RAD50: variants seen among roughly 807,000 people sequenced by gnomAD.
RAD50 encodes RAD50 double strand break repair protein, also known as DNA repair protein RAD50.
Under a neutral mutation model 168.8 loss-of-function variants are expected in RAD50, and 132 were observed. That is an observed-to-expected ratio of 0.78 (90% CI 0.68 to 0.90). The LOEUF is 0.90. RAD50 is among the 40% of genes least tolerant of loss of function. RAD50 has a pLI of 0.00. For synonymous variants in RAD50, 525 were observed against 497.4 expected, an observed-to-expected ratio of 1.06 and a Z score of -0.74; for missense variants, 1,347 against 1,534.4, an observed-to-expected ratio of 0.88 and a Z score of 2.04.
intron 3 of RAD50, among the ~76,000 whole-genome samples, chr5:132,576,581 A>G (rs999734006): frequency 3.9e-5 from 6 of 152,344 alleles, no homozygotes; most frequent in Admixed American, 2.0e-4. Context: ...TGGAGGCACT[A>G]TACTGGCTTC....
chr5:132,642,793 C>CTGAG lies in RAD50; in HGVS notation c.*431_*434dup, dbSNP rs1164742859. 3 of 348,760 alleles carry CTGAG rather than the reference C, an allele frequency of 8.6e-6. No individual in the cohort carries two copies. The highest frequency in any genetic ancestry group is 1.7e-5 in the Non-Finnish European group (3 of 180,028). 21.6% of individuals were successfully genotyped at this position (348,760 alleles called of 1,614,324 possible). A position where few individuals can be genotyped will look rare whatever the true frequency, so the allele number is the denominator to read the frequency against. ...ACTTCCTTGCATGTGGTTTGAAAAA[C>CTGAG]TGAGTATTAATATCTGAGGATGACC... On this transcript the variant is annotated 3_prime_UTR_variant, in exon 25 of 25. Transcript: ENST00000378823.
intron 16 of RAD50, among the ~76,000 whole-genome samples, chr5:132,606,689 T>C (rs1422553257): frequency 6.6e-6 from 1 of 152,076 alleles, no homozygotes; most frequent in Non-Finnish European, 1.5e-5. Context: ...CAGGCCAATA[T>C]CCCTGATGAA....
At position 132,579,934 on chromosome 5, in the gene RAD50, G is replaced by A. The variant is rs766701804; in HGVS notation, c.624G>A (p.Met208Ile). 6.2e-6 allele frequency: 10 copies of A among 1,611,928 alleles called. No homozygotes were observed. In the South Asian group the frequency reaches 9.9e-5, roughly 16 times the overall value. Residue 208 changes from methionine to isoleucine, a missense_variant, in exon 5 of 25, where the codon ATG becomes ATA. By Grantham distance (10) the Met-to-Ile change is conservative (BLOSUM62 1). Transcript: ENST00000378823. ...TQGQKVKEYQ[M>I]ELKYLKQYKE... ...GTCAGAAAGTAAAAGAATATCAAAT[G>A]GAACTAAAATATCTGAAGCAATATA...
At chr5:132,635,313 GTCA>G (rs1581019136) in intron 21 of RAD50, among the ~76,000 whole-genome samples, 1 of 152,172 alleles carries the variant, frequency 6.6e-6, no homozygotes, top group Non-Finnish European at 1.5e-5. Context: ...ATGGTAAATG[GTCA>G]TCAATAATAA....
intron 19 of RAD50, among the ~76,000 whole-genome samples, chr5:132,611,079 G>A (rs17166080): frequency 0.07 from 10,673 of 152,246 alleles, 1,170 homozygotes; most frequent in African/African-American, 0.24. Flanking sequence ...TATGCTTGCT[G>A]AAGATTCTAG....
chr5:132,563,659 A>G (rs1750158622), intron 2 of RAD50, among the ~76,000 whole-genome samples: 2 of 152,202 alleles, frequency 1.3e-5, no homozygotes, highest in Admixed American at 6.5e-5. Context: ...AATAAATTGG[A>G]AAGTTGCATT....
chr5:132,640,836 G>T lies in RAD50; in HGVS notation c.3752+31G>T. 1.9e-6 allele frequency: 3 copies of T among 1,613,802 alleles called. No individual in the cohort carries two copies. The South Asian group carries it at 3.3e-5, about 18-fold the overall frequency. On this transcript the variant is annotated intron_variant, in intron 24 of 24. Coordinates refer to ENST00000378823, the MANE Select transcript of RAD50 (RefSeq NM_005732.4). Reference sequence around the variant, plus strand: ...TATCTCTTGCACATGCTCTGGTTGAGTAAGTATCTCACATTTGGGGACAGG... The same window carrying T: ...TATCTCTTGCACATGCTCTGGTTGATTAAGTATCTCACATTTGGGGACAGG...
chr5:132,638,650 T>C (rs777467611), intron 23 of RAD50, among the ~76,000 whole-genome samples: 4 of 152,208 alleles, frequency 2.6e-5, no homozygotes, highest in African/African-American at 9.6e-5. Context: ...AGATTCTAGC[T>C]TAAGCTAGAA....
rs1750007358 is a variant in RAD50 at position 132,557,045 on chromosome 5, G to A, written c.-280G>A. ...GGTTGCGGGGTCGCATTGTGGCTAC[G>A]GCTTTGCGTCCCCGGCGGGCAGCCC... On this transcript the variant is annotated 5_prime_UTR_variant, in exon 1 of 25. Transcript: ENST00000378823. 8 of 650,568 alleles carry A rather than the reference G, an allele frequency of 1.2e-5. No homozygotes were observed. Among genetic ancestry groups the A allele is most frequent in the Middle Eastern group, 4.6e-4 (1 of 2,158 alleles). The allele number at this position is 650,568 out of a possible 1,614,324, so 40.3% of individuals were successfully genotyped here.
rs397507178 is a variant in RAD50, at chr5:132,595,759, T to TA, written c.2165dup (p.Glu723GlyfsTer5). 316 of 1,598,140 alleles carry TA rather than the reference T, an allele frequency of 2.0e-4. No homozygotes were observed. The highest frequency in any genetic ancestry group is 3.2e-4 in the East Asian group (14 of 44,188). ...AAACTCAAGTCAACAGAATCAGAGC[T>TA]AAAAAAAAAGGAAAAGCGGCGTGAT... On this transcript the variant is annotated frameshift_variant, in exon 13 of 25. Coordinates refer to ENST00000378823, the MANE Select transcript of RAD50 (RefSeq NM_005732.4). LOFTEE classifies it high-confidence loss of function.
intron 1 of RAD50, among the ~76,000 whole-genome samples, chr5:132,558,547 A>G (rs1750055727): frequency 6.6e-6 from 1 of 151,452 alleles, no homozygotes; most frequent in Non-Finnish European, 1.5e-5. Flanking sequence ...CCCATCTCTA[A>G]TAAAAATACA....
chr5:132,624,871 C>CAAAAAAAA (rs10671829), intron 21 of RAD50, among the ~76,000 whole-genome samples: 1 of 57,326 alleles, frequency 1.7e-5, no homozygotes, highest in African/African-American at 5.2e-5. Context: ...GACCCTGTCT[C>CAAAAAAAA]AAAAAAAAAA....
rs555047194 is a variant in RAD50, at chr5:132,623,523, T to C, written c.3389+5229T>C. Among the ~76,000 whole-genome samples, 4 of 152,338 alleles carry C rather than the reference T, an allele frequency of 2.6e-5. No homozygotes were observed. In the East Asian group the frequency reaches 7.7e-4, roughly 29 times the overall value. ...TAATAATAATAACCCCAAGTTTAGT[T>C]TGTCTGTCAGGTTACATACTGACTG... On this transcript the variant is annotated intron_variant, in intron 21 of 24. Coordinates refer to ENST00000378823, the MANE Select transcript of RAD50 (RefSeq NM_005732.4).
intron 13 of RAD50, among the ~76,000 whole-genome samples, chr5:132,599,158 A>T (rs1021605047): frequency 3.3e-5 from 5 of 152,174 alleles, no homozygotes; most frequent in Non-Finnish European, 5.9e-5. Flanking sequence ...TTAGTTTTTC[A>T]TGGTTTCATG....
intron 3 of RAD50, 85 bp from the exon 4 acceptor site, chr5:132,579,232 A>C (rs552790293): frequency 7.2e-7 from 1 of 1,385,190 alleles, no homozygotes; most frequent in African/African-American, 1.4e-5. Context: ...ATTCTTTTAA[A>C]GAAGTACAGT....
At chr5:132,617,286 A>C (rs1751195776) in intron 20 of RAD50, among the ~76,000 whole-genome samples, 2 of 152,340 alleles carry the variant, frequency 1.3e-5, no homozygotes, top group South Asian at 4.1e-4. Context: ...GGTACATAAC[A>C]GTACTTTTTA....
At chr5:132,631,265 T>A (rs1751459971) in intron 21 of RAD50, among the ~76,000 whole-genome samples, 1 of 151,828 alleles carries the variant, frequency 6.6e-6, no homozygotes. Context: ...GGATTACAGG[T>A]GCCCACCACC....
At chr5:132,638,055 C>A (rs188211100) in intron 22 of RAD50, 26 bp from the exon 23 acceptor site, 4 of 1,612,252 alleles carry the variant, frequency 2.5e-6, no homozygotes, top group Non-Finnish European at 3.4e-6. Flanking sequence ...ATAGGTTCCT[C>A]TAAAATATTC....
chr5:132,579,708 A>AT (rs1202800796), intron 4 of RAD50, 154 bp from the exon 5 acceptor site: 5 of 866,752 alleles, frequency 5.8e-6, no homozygotes, highest in Non-Finnish European at 9.0e-6. Flanking sequence ...TATAAATGTA[A>AT]TTTTTTTCAC....
Sources: allele counts gnomAD v4.1 joint callset (sites outside exome capture counted in the v4.1 genomes callset), GRCh38; gene constraint gnomAD v4.1.1; transcripts MANE v1.5; gene names NCBI Gene and HGNC (gene_info 2026-07-23, HGNC 2026-07-21).